Variants in DPY19L3 observed in about 807,000 individuals in gnomAD.
The protein encoded by DPY19L3 is dpy-19 like C-mannosyltransferase 3.
DPY19L3 carries 51 observed loss-of-function variants against 92.3 expected under a neutral mutation model. The ratio of observed to expected loss-of-function variants is 0.55; its 90% CI spans 0.44 to 0.70. DPY19L3 has a LOEUF of 0.70. Ranked by LOEUF, DPY19L3 falls within the 30% of genes least tolerant of loss-of-function variation. The pLI, the probability that DPY19L3 is intolerant of heterozygous loss-of-function variation, is 0.00. For missense variants in DPY19L3, 706 were observed against 855.9 expected (o/e 0.82, Z 2.18); for synonymous variants, 309 against 315.2 (o/e 0.98, Z 0.21).
At chr19:32,471,582 C>CT (rs1314988884) in intron 16 of DPY19L3, among the ~76,000 whole-genome samples, 1 of 152,182 alleles carries the variant, frequency 6.6e-6, no homozygotes, top group Non-Finnish European at 1.5e-5. Context: ...ACTCACACAC[C>CT]TGGAAGTGTC....
chr19:32,485,847 A>G lies in DPY19L3; in HGVS notation c.*3607A>G, dbSNP rs1349215229. On this transcript the variant is annotated 3_prime_UTR_variant, in exon 19 of 19. Transcript: ENST00000392250. Reference sequence around the variant, plus strand: ...GAGCTTTTATAATTTGTTTTACTGAATTGTATGGAGATTGTATACCAAGTA... The same window carrying G: ...GAGCTTTTATAATTTGTTTTACTGAGTTGTATGGAGATTGTATACCAAGTA... 4 of 152,212 alleles carry G rather than the reference A, an allele frequency of 2.6e-5. No individual in the cohort carries two copies. Among genetic ancestry groups the G allele is most frequent in the African/African-American group, 9.7e-5 (4 of 41,448 alleles). 9.4% of individuals were successfully genotyped at this position (152,212 alleles called of 1,614,324 possible). A position where few individuals can be genotyped will look rare whatever the true frequency, so the allele number is the denominator to read the frequency against.
intron 10 of DPY19L3, 105 bp from the exon 11 acceptor site, chr19:32,457,995 C>A (rs1442744287): frequency 2.4e-6 from 2 of 820,390 alleles, no homozygotes; most frequent in Non-Finnish European, 3.9e-6. Context: ...TACACCCACA[C>A]GCTCCTGTGA....
intron 16 of DPY19L3, among the ~76,000 whole-genome samples, chr19:32,476,939 C>T (rs1970529611): frequency 6.6e-6 from 1 of 151,846 alleles, no homozygotes; most frequent in African/African-American, 2.4e-5. Flanking sequence ...TGATTTTTTT[C>T]CTTATTGCTT....
At chr19:32,424,477 A>G (rs995425516) in intron 3 of DPY19L3, among the ~76,000 whole-genome samples, 2 of 152,062 alleles carry the variant, frequency 1.3e-5, no homozygotes, top group African/African-American at 4.8e-5. Flanking sequence ...ATACAAAAAA[A>G]AAAATTAGCC....
At chr19:32,447,774 T>C (rs895623993) in intron 8 of DPY19L3, among the ~76,000 whole-genome samples, 2 of 137,854 alleles carry the variant, frequency 1.5e-5, no homozygotes, top group Non-Finnish European at 3.1e-5. Flanking sequence ...GATAGATAGA[T>C]AGATTAGATA....
rs1341737167 is a variant in DPY19L3 at position 32,485,572 on chromosome 19, T to C, written c.*3332T>C. On this transcript the variant is annotated 3_prime_UTR_variant, in exon 19 of 19. Transcript: ENST00000392250. Reference sequence around the variant, plus strand: ...AGATGTAAAAATTTGAGTTCATCTTTGGCCAAAACCTACCTGAATTAACAT... The same window carrying C: ...AGATGTAAAAATTTGAGTTCATCTTCGGCCAAAACCTACCTGAATTAACAT... The C allele has an allele frequency of 2.0e-5, 3 of 152,252 alleles. No individual in the cohort carries two copies. Among genetic ancestry groups the C allele is most frequent in the Admixed American group, 2.0e-4 (3 of 15,288 alleles). The allele number at this position is 152,252 out of a possible 1,614,324, so 9.4% of individuals were successfully genotyped here. A position where few individuals can be genotyped will look rare whatever the true frequency, so the allele number is the denominator to read the frequency against.
chr19:32,477,376 A>T (rs1419210883), intron 16 of DPY19L3, 146 bp from the exon 17 acceptor site: 1 of 1,069,564 alleles, frequency 9.3e-7, no homozygotes, highest in South Asian at 1.7e-5. Context: ...ACAAATCAAA[A>T]CCGAAGCAAA....
chr19:32,438,130 A>C (rs1247191169), intron 6 of DPY19L3, among the ~76,000 whole-genome samples: 2 of 152,232 alleles, frequency 1.3e-5, no homozygotes, highest in Non-Finnish European at 2.9e-5. Flanking sequence ...TTTTAAAAAA[A>C]TGTATTCAAG....
chr19:32,476,120 A>G (rs187303749), intron 16 of DPY19L3, among the ~76,000 whole-genome samples: 15 of 152,312 alleles, frequency 9.8e-5, no homozygotes, highest in Admixed American at 9.8e-4. Context: ...TAGACATCCA[A>G]GGCCTCTGTT....
chr19:32,428,042 G>C (rs1019291022), intron 3 of DPY19L3: 1 of 139,934 alleles, frequency 7.1e-6, no homozygotes, highest in Non-Finnish European at 1.5e-5. Context: ...CGGGATCTCA[G>C]CTGACTGCAA....
chr19:32,443,290 C>T (rs751800400), intron 8 of DPY19L3, among the ~76,000 whole-genome samples: 21 of 152,204 alleles, frequency 1.4e-4, no homozygotes, highest in African/African-American at 4.6e-4. Context: ...CTTCCATTTC[C>T]GTCTGAAAGT....
intron 6 of DPY19L3, among the ~76,000 whole-genome samples, chr19:32,438,524 T>C (rs1210373450): frequency 6.6e-6 from 1 of 152,130 alleles, no homozygotes; most frequent in Non-Finnish European, 1.5e-5. Flanking sequence ...TAGAGAGATA[T>C]ATGTAGATAT....
intron 3 of DPY19L3, among the ~76,000 whole-genome samples, chr19:32,427,352 C>A (rs1233389191): frequency 6.6e-6 from 1 of 152,242 alleles, no homozygotes; most frequent in East Asian, 1.9e-4. Context: ...ATTCTTGCAC[C>A]TTTTTGTTTC....
Position 32,432,776 on chromosome 19 carries a change from CA to C in DPY19L3, c.299del (p.Gln100ArgfsTer15). The C allele has an allele frequency of 6.2e-7, 1 of 1,613,826 alleles. No individual in the cohort carries two copies. The highest frequency in any genetic ancestry group is 8.5e-7 in the Non-Finnish European group (1 of 1,179,890). ...TGGCCTGTATTACTCCTACTACAAG[CA>C]GATGCTGCAGGCTCCAACCCTCGTG... ...ECGLYYSYYK[Q>X]MLQAPTLVQG... On this transcript the variant is annotated frameshift_variant, in exon 4 of 19. Coordinates refer to ENST00000392250, the MANE Select transcript of DPY19L3 (RefSeq NM_001172774.2). LOFTEE classifies it high-confidence loss of function.
Position 32,463,454 on chromosome 19 carries a change from A to G in DPY19L3, c.1411A>G (p.Ile471Val), listed in dbSNP as rs1011871331. 1 of 1,613,588 alleles carries G rather than the reference A, an allele frequency of 6.2e-7. No homozygotes were observed. Among genetic ancestry groups the G allele is most frequent in the Non-Finnish European group, 8.5e-7 (1 of 1,179,734 alleles). Residue 471 changes from isoleucine to valine, a missense_variant, in exon 13 of 19, where the codon ATT (isoleucine) becomes GTT (valine). Coordinates refer to ENST00000392250, the MANE Select transcript of DPY19L3 (RefSeq NM_001172774.2). ...AACTGCCTACAACTTAATACATACCATTCTGTTTGGATTCTTGGCATTGAG... is the reference window on the plus strand; with the variant it reads ...AACTGCCTACAACTTAATACATACCGTTCTGTTTGGATTCTTGGCATTGAG... ...PETAYNLIHTILFGFLALSTM... is the reference protein window; with the variant it reads ...PETAYNLIHTVLFGFLALSTM...
chr19:32,420,547 C>T (rs564526252), intron 3 of DPY19L3, among the ~76,000 whole-genome samples: 1 of 152,022 alleles, frequency 6.6e-6, no homozygotes, highest in Admixed American at 6.5e-5. Flanking sequence ...CGAGTTCAAG[C>T]GATTCTCCTG....
At chr19:32,406,173 C>T (rs1967937220) in intron 1 of DPY19L3, 1 of 151,958 alleles carries the variant, frequency 6.6e-6, no homozygotes, top group African/African-American at 2.4e-5. Context: ...GAGGCAGGGC[C>T]TGGGCTGCGA....
intron 8 of DPY19L3, among the ~76,000 whole-genome samples, chr19:32,452,267 A>T (rs993521941): frequency 1.1e-4 from 17 of 152,234 alleles, no homozygotes; most frequent in African/African-American, 4.1e-4. Context: ...GAACTGCAGT[A>T]CAGGTGCTGT....
intron 2 of DPY19L3, among the ~76,000 whole-genome samples, chr19:32,410,650 G>T (rs1370256850): frequency 1.3e-5 from 2 of 152,084 alleles, no homozygotes; most frequent in African/African-American, 4.8e-5. Flanking sequence ...AGGCATGGTG[G>T]CATGTGCCTG....
Sources: allele counts gnomAD v4.1 joint callset (sites outside exome capture counted in the v4.1 genomes callset), GRCh38; gene constraint gnomAD v4.1.1; transcripts MANE v1.5; gene names NCBI Gene and HGNC (gene_info 2026-07-23, HGNC 2026-07-21).